Variants in DYNC2LI1 observed in about 807,000 individuals in gnomAD.
DYNC2LI1 encodes the protein cytoplasmic dynein 2 light intermediate chain 1.
DYNC2LI1 carries 45 observed loss-of-function variants against 51.9 expected under a neutral mutation model. That is an observed-to-expected ratio of 0.87 (90% CI 0.68 to 1.11). DYNC2LI1 has a LOEUF of 1.11. Among genes scored for constraint, DYNC2LI1 ranks in the 50% most tolerant of loss-of-function variants. The pLI is 0.00. For synonymous variants in DYNC2LI1, 130 were observed against 137.8 expected (o/e 0.94, Z 0.40); for missense variants, 490 against 417.4 (o/e 1.17, Z -1.51).
At chr2:43,813,262 G>C (rs6720173), downstream of DYNC2LI1, 290,088 of 1,612,154 alleles carry the variant, frequency 0.18, 28,676 homozygotes, top group Admixed American at 0.33. Flanking sequence ...TGAATTCCTT[G>C]AGTGAAGGCA....
the DYNC2LI1 span, among the ~76,000 whole-genome samples, chr2:43,818,447 AAAAC>A: frequency 6.6e-6 from 1 of 152,022 alleles, no homozygotes; most frequent in Non-Finnish European, 1.5e-5. Flanking sequence ...GTGTTTCAAA[AAAAC>A]AAAAACAAAA....
intron 8 of DYNC2LI1, among the ~76,000 whole-genome samples, chr2:43,797,349 G>A (rs1331392349): frequency 6.6e-6 from 1 of 151,974 alleles, no homozygotes; most frequent in Non-Finnish European, 1.5e-5. Flanking sequence ...CTTCTTCATA[G>A]GGTTGTTGTG....
chr2:43,810,641 T>C (rs1473955374), downstream of DYNC2LI1: 1 of 448,378 alleles, frequency 2.2e-6, no homozygotes, highest in Admixed American at 6.4e-5. Flanking sequence ...GGGAGTACTG[T>C]CTGAGCAGAT....
At chr2:43,804,393 T>C (rs1666170816) in intron 10 of DYNC2LI1, among the ~76,000 whole-genome samples, 1 of 152,202 alleles carries the variant, frequency 6.6e-6, no homozygotes. Context: ...GATACAGGTA[T>C]AGGTATAGGG....
At chr2:43,806,127 C>G (rs1218519907) in intron 12 of DYNC2LI1, among the ~76,000 whole-genome samples, 2 of 152,094 alleles carry the variant, frequency 1.3e-5, no homozygotes, top group Non-Finnish European at 2.9e-5. Context: ...CGTGATCCAT[C>G]CGCCTTGGCC....
At chr2:43,807,167 A>T (rs1209984561) in intron 12 of DYNC2LI1, among the ~76,000 whole-genome samples, 1 of 152,072 alleles carries the variant, frequency 6.6e-6, no homozygotes, top group African/African-American at 2.4e-5. Flanking sequence ...TGAGACCTTA[A>T]GTTGTTTCCA....
chr2:43,801,684 A>C lies in DYNC2LI1; in HGVS notation c.777A>C (p.Ala259=). The change falls in exon 10 of 13, where the codon GCA becomes GCC. Residue 259 remains alanine, a synonymous_variant. Transcript: ENST00000260605. ...VDQNKPLFIT[A]GLDSFGQIGS... ...AGAATAAACCGCTGTTTATCACAGC[A>C]GGATTGGATTCTTTCGGTCAAATAG... 6.2e-7 allele frequency: 1 copy of C among 1,610,130 alleles called. No homozygotes were observed. Among genetic ancestry groups the C allele is most frequent in the Non-Finnish European group, 8.5e-7 (1 of 1,177,940 alleles).
intron 11 of DYNC2LI1, 139 bp from the exon 12 acceptor site, chr2:43,805,015 G>T (rs572665714): frequency 8.5e-6 from 5 of 589,220 alleles, no homozygotes; most frequent in Non-Finnish European, 1.5e-5. Flanking sequence ...GTGGGCCTCA[G>T]TGGTGATGAG....
At chr2:43,813,297 A>G (rs777055543), downstream of DYNC2LI1, 14 of 1,612,928 alleles carry the variant, frequency 8.7e-6, no homozygotes, top group East Asian at 2.2e-5. Context: ...TGTCACAGAA[A>G]CATTTGAGCT....
chr2:43,799,368 C>T (rs1338586524), intron 8 of DYNC2LI1, among the ~76,000 whole-genome samples: 1 of 152,078 alleles, frequency 6.6e-6, no homozygotes, highest in East Asian at 1.9e-4. Context: ...GAACCAGAAT[C>T]AGAGAAGAGC....
intron 8 of DYNC2LI1, among the ~76,000 whole-genome samples, chr2:43,799,445 T>A (rs1030129658): frequency 3.3e-5 from 5 of 152,226 alleles, no homozygotes; most frequent in African/African-American, 1.2e-4. Flanking sequence ...TAAAATGTGA[T>A]AACTCTCTAA....
the DYNC2LI1 span, among the ~76,000 whole-genome samples, chr2:43,816,675 C>T: frequency 6.6e-6 from 1 of 152,090 alleles, no homozygotes; most frequent in African/African-American, 2.4e-5. Context: ...TCCTGAGTAG[C>T]TGAAATTACA....
At chr2:43,804,978 C>G (rs1381976559) in intron 11 of DYNC2LI1, among the ~76,000 whole-genome samples, 176 bp from the exon 12 acceptor site, 1 of 151,332 alleles carries the variant, frequency 6.6e-6, no homozygotes, top group Non-Finnish European at 1.5e-5. Flanking sequence ...GGAGAGACAA[C>G]TGAAAGGGGA....
chr2:43,799,911 T>A (rs1350308258), intron 8 of DYNC2LI1, among the ~76,000 whole-genome samples: 1 of 152,236 alleles, frequency 6.6e-6, no homozygotes. Context: ...TGTCAGATCT[T>A]ACATATACAT....
intron 9 of DYNC2LI1, 126 bp from the exon 10 acceptor site, chr2:43,801,513 G>A (rs111909807): frequency 4.9e-5 from 27 of 553,910 alleles, no homozygotes; most frequent in East Asian, 4.5e-4. Context: ...TCATTCATTC[G>A]GGGCAATGCT....
chr2:43,816,616 T>C, the DYNC2LI1 span, among the ~76,000 whole-genome samples: 1 of 152,194 alleles, frequency 6.6e-6, no homozygotes, highest in Non-Finnish European at 1.5e-5. Context: ...TGATTTTGGC[T>C]CACTGCAGCC....
chr2:43,796,055 T>C, intron 7 of DYNC2LI1, 97 bp downstream of exon 7: 1 of 889,448 alleles, frequency 1.1e-6, no homozygotes, highest in East Asian at 2.6e-5. Context: ...GAAAAATAAT[T>C]ATTGAAGGAA....
downstream of DYNC2LI1, chr2:43,810,574 G>A (rs1045686489): frequency 1.9e-5 from 18 of 944,634 alleles, no homozygotes; most frequent in Admixed American, 1.9e-4. Flanking sequence ...GTTCTTCCAT[G>A]TCCACATACA....
intron 5 of DYNC2LI1, among the ~76,000 whole-genome samples, chr2:43,790,503 T>C (rs1673729902): frequency 6.6e-6 from 1 of 152,156 alleles, no homozygotes; most frequent in African/African-American, 2.4e-5. Flanking sequence ...GGGACCGTTG[T>C]TTTTCTAGAA....
Sources: gnomAD v4.1 joint callset for allele counts (sites outside exome capture counted in the v4.1 genomes callset) on GRCh38, gnomAD v4.1.1 for gene constraint, MANE v1.5 for transcripts, NCBI Gene and HGNC (gene_info 2026-07-23, HGNC 2026-07-21) for gene names.